Variants in LRMDA observed in about 807,000 individuals in gnomAD.
LRMDA encodes leucine rich melanocyte differentiation associated, also known as leucine-rich melanocyte differentiation-associated protein.
LRMDA carries 18 observed loss-of-function variants against 29.8 expected under a neutral mutation model. That is an observed-to-expected ratio of 0.60 (90% CI 0.42 to 0.90). The LOEUF is 0.90. Among genes scored for constraint, LRMDA ranks in the 40% least tolerant of loss-of-function variants. The pLI is 0.00. For synonymous variants in LRMDA, 125 were observed against 109.4 expected (o/e 1.14, Z -0.89); for missense variants, 273 against 273.9 (o/e 1.00, Z 0.02).
chr10:75,792,051 G>C (rs1843575667), intron 2 of LRMDA, among the ~76,000 whole-genome samples: 1 of 151,602 alleles, frequency 6.6e-6, no homozygotes, highest in Non-Finnish European at 1.5e-5. Context: ...AGTAGAGATG[G>C]GGTTTCACTG....
chr10:76,355,138 G>A (rs926965805), intron 6 of LRMDA, among the ~76,000 whole-genome samples: 1 of 152,114 alleles, frequency 6.6e-6, no homozygotes, highest in African/African-American at 2.4e-5. Context: ...CCCTTGAAAA[G>A]CTTATGAGCT....
intron 2 of LRMDA, among the ~76,000 whole-genome samples, chr10:75,836,921 G>T (rs546923989): frequency 7.9e-5 from 12 of 152,150 alleles, no homozygotes; most frequent in Admixed American, 7.9e-4. Context: ...ATTCATCTTT[G>T]CATCTCTCAT....
chr10:76,404,790 C>T (rs1589168491), intron 6 of LRMDA, among the ~76,000 whole-genome samples: 1 of 152,126 alleles, frequency 6.6e-6, no homozygotes, highest in African/African-American at 2.4e-5. Flanking sequence ...AGTTAAGGAA[C>T]TTGAGATGGA....
At chr10:75,440,792 T>A (rs1379908184) in intron 2 of LRMDA, among the ~76,000 whole-genome samples, 4 of 152,102 alleles carry the variant, frequency 2.6e-5, no homozygotes, top group African/African-American at 9.7e-5. Flanking sequence ...TCCCAGCAGT[T>A]TGGGAGGCCA....
chr10:76,052,663 G>C (rs544228188), intron 4 of LRMDA, among the ~76,000 whole-genome samples: 1 of 152,214 alleles, frequency 6.6e-6, no homozygotes. Context: ...CATTCTATGT[G>C]AGAAGAAAGA....
Position 76,327,856 on chromosome 10 carries a change from A to G in LRMDA, c.601+3371A>G, listed in dbSNP as rs1399085274. Among the ~76,000 whole-genome samples the G allele has an allele frequency of 3.3e-5, 5 of 152,216 alleles. No individual in the cohort carries two copies. The East Asian group carries it at 7.7e-4, about 23-fold the overall frequency. ...TGGGTGTCATATGTGTTCATTCATTACCAGAAAGCATTTAGTCACAAAGCC... is the reference window on the plus strand; with the variant it reads ...TGGGTGTCATATGTGTTCATTCATTGCCAGAAAGCATTTAGTCACAAAGCC... On this transcript the variant is annotated intron_variant, in intron 6 of 6. Transcript: ENST00000611255.
chr10:75,960,663 G>C (rs1846748393), intron 2 of LRMDA, among the ~76,000 whole-genome samples: 1 of 152,128 alleles, frequency 6.6e-6, no homozygotes, highest in African/African-American at 2.4e-5. Context: ...GCCCAGGCTG[G>C]AGTACAGTGG....
In LRMDA at chr10:76,096,522, T is replaced by C. The variant is rs922220361; in HGVS notation, c.516+37739T>C. Among the ~76,000 whole-genome samples, 3 of 152,126 alleles carry C rather than the reference T, an allele frequency of 2.0e-5. No individual in the cohort carries two copies. The East Asian group carries it at 5.8e-4, about 29-fold the overall frequency. ...TTACATTGTCTTAATCACTGTATAG[T>C]GTATTTTGAAATCAAGTAGTAGAAG... On this transcript the variant is annotated intron_variant, in intron 5 of 6. Transcript: ENST00000611255.
chr10:76,098,260 C>T (rs190924476), intron 5 of LRMDA, among the ~76,000 whole-genome samples: 8 of 152,230 alleles, frequency 5.3e-5, no homozygotes, highest in Admixed American at 4.6e-4. Context: ...GTAGAATTCA[C>T]TAGCAAATAT....
At chr10:76,425,239 G>A (rs1310765348) in intron 6 of LRMDA, among the ~76,000 whole-genome samples, 1 of 152,150 alleles carries the variant, frequency 6.6e-6, no homozygotes, top group Admixed American at 6.5e-5. Context: ...AGATCTGTTT[G>A]TGGCTTTATT....
intron 6 of LRMDA, among the ~76,000 whole-genome samples, chr10:76,338,374 A>AAATAAATG (rs1181734618): frequency 2.7e-4 from 32 of 116,738 alleles, no homozygotes; most frequent in African/African-American, 1.3e-3. Context: ...ATAAATAAAT[A>AAATAAATG]AATAAATAAA....
chr10:75,810,252 T>A (rs1843934606), intron 2 of LRMDA, among the ~76,000 whole-genome samples: 1 of 152,110 alleles, frequency 6.6e-6, no homozygotes, highest in South Asian at 2.1e-4. Context: ...GCTACTTAAG[T>A]GTCCTGAGCA....
At chr10:76,290,399 G>T (rs1189874536) in intron 5 of LRMDA, among the ~76,000 whole-genome samples, 5 of 146,758 alleles carry the variant, frequency 3.4e-5, no homozygotes, top group Non-Finnish European at 7.5e-5. Context: ...GTACAATTTA[G>T]GTTTATTTTC....
At chr10:76,535,036 C>T (rs2132377608) in intron 6 of LRMDA, among the ~76,000 whole-genome samples, 1 of 152,314 alleles carries the variant, frequency 6.6e-6, no homozygotes, top group African/African-American at 2.4e-5. Context: ...TAAGACTTTG[C>T]TATGTGCCAG....
intron 2 of LRMDA, among the ~76,000 whole-genome samples, chr10:75,746,699 A>C (rs1842894864): frequency 6.6e-6 from 1 of 152,200 alleles, no homozygotes; most frequent in East Asian, 1.9e-4. Flanking sequence ...CAGATGTCTC[A>C]GAGTGCGTGG....
intron 2 of LRMDA, among the ~76,000 whole-genome samples, chr10:75,578,419 T>C (rs1002108487): frequency 6.6e-6 from 1 of 151,904 alleles, no homozygotes. Flanking sequence ...CTTAGAGACC[T>C]ACAAAGAGAC....
At chr10:76,310,586 T>C (rs1413658789) in intron 5 of LRMDA, among the ~76,000 whole-genome samples, 1 of 152,228 alleles carries the variant, frequency 6.6e-6, no homozygotes, top group African/African-American at 2.4e-5. Context: ...GTTTCTAAGC[T>C]GCTGTATCTG....
At chr10:76,373,714 GCTATCCTAGCATAGC>G (rs1474498040) in intron 6 of LRMDA, among the ~76,000 whole-genome samples, 2 of 151,964 alleles carry the variant, frequency 1.3e-5, no homozygotes, top group Non-Finnish European at 2.9e-5. Flanking sequence ...AACTTCCCAG[GCTATCCTAGCATAGC>G]CTATCCCATC....
chr10:75,800,193 A>G (rs1419300559), intron 2 of LRMDA, among the ~76,000 whole-genome samples: 1 of 152,054 alleles, frequency 6.6e-6, no homozygotes, highest in Non-Finnish European at 1.5e-5. Flanking sequence ...TATGATTTGT[A>G]TGTCTTCCTG....
Sources: gnomAD v4.1 joint callset for allele counts (sites outside exome capture counted in the v4.1 genomes callset) on GRCh38, gnomAD v4.1.1 for gene constraint, MANE v1.5 for transcripts, NCBI Gene and HGNC (gene_info 2026-07-23, HGNC 2026-07-21) for gene names.